Variants in SBK1 observed in about 807,000 individuals in gnomAD.
SBK1 encodes serine/threonine-protein kinase SBK1.
A neutral mutation model predicts 24.4 loss-of-function variants in SBK1; 11 were observed. That is an observed-to-expected ratio of 0.45 (90% CI 0.28 to 0.75). The LOEUF is 0.75. Ranked by LOEUF, SBK1 falls within the 30% of genes least tolerant of loss-of-function variation. The pLI is 0.12. For synonymous variants in SBK1, 308 were observed against 284.4 expected (o/e 1.08, Z -0.83); for missense variants, 467 against 620.5 (o/e 0.75, Z 2.63).
chr16:28,275,775 G>C (rs1218079579), intron 1 of SBK1, among the ~76,000 whole-genome samples: 1 of 152,116 alleles, frequency 6.6e-6, no homozygotes, highest in Non-Finnish European at 1.5e-5. Context: ...TACTCAGGAG[G>C]CTGAGGTGGG....
intron 1 of SBK1, among the ~76,000 whole-genome samples, chr16:28,297,872 T>C (rs1775012607): frequency 6.6e-6 from 1 of 152,170 alleles, no homozygotes; most frequent in African/African-American, 2.4e-5. Flanking sequence ...CAGGATAGCA[T>C]TGTGAAGTGG....
At chr16:28,308,092 T>A (rs1470175543) in intron 1 of SBK1, among the ~76,000 whole-genome samples, 1 of 152,232 alleles carries the variant, frequency 6.6e-6, no homozygotes, top group Non-Finnish European at 1.5e-5. Flanking sequence ...GTCACTGTCC[T>A]GGTTAACCTC....
intron 1 of SBK1, among the ~76,000 whole-genome samples, chr16:28,307,370 A>G (rs566371923): frequency 2.6e-5 from 4 of 152,322 alleles, no homozygotes; most frequent in African/African-American, 9.6e-5. Context: ...CCAAGATTCA[A>G]ATCCAGGCAC....
chr16:28,292,635 G>A lies in SBK1; in HGVS notation c.-673G>A. ...GCCCGGGCCAGGCCGGGGGCCGGGAGCGCAGGGCCGGGCTGCTCGTAGCGG... is the reference window on the plus strand; with the variant it reads ...GCCCGGGCCAGGCCGGGGGCCGGGAACGCAGGGCCGGGCTGCTCGTAGCGG... On this transcript the variant is annotated 5_prime_UTR_variant, in exon 1 of 4. Transcript: ENST00000341901. The A allele has an allele frequency of 2.0e-6, 2 of 983,094 alleles. No individual in the cohort carries two copies. Among genetic ancestry groups the A allele is most frequent in the Non-Finnish European group, 2.4e-6 (2 of 828,960 alleles). The allele number at this position is 983,094 out of a possible 1,614,324, so 60.9% of individuals were successfully genotyped here.
intron 1 of SBK1, among the ~76,000 whole-genome samples, chr16:28,301,741 A>G (rs373453606): frequency 7.9e-5 from 12 of 152,182 alleles, no homozygotes; most frequent in East Asian, 7.7e-4. Flanking sequence ...CGACAGATCC[A>G]AGGTCCAGGC....
intron 1 of SBK1, among the ~76,000 whole-genome samples, chr16:28,306,643 C>T (rs1196803004): frequency 6.6e-6 from 1 of 152,098 alleles, no homozygotes; most frequent in Admixed American, 6.5e-5. Context: ...GGGATCTGGG[C>T]GGCTTCCTAA....
chr16:28,307,214 C>A (rs935301730), intron 1 of SBK1, among the ~76,000 whole-genome samples: 1 of 152,180 alleles, frequency 6.6e-6, no homozygotes, highest in African/African-American at 2.4e-5. Context: ...TGTCATGTAC[C>A]AAGCGCCTCA....
In SBK1 at chr16:28,319,892, T is replaced by C. The variant is rs1269306618; in HGVS notation, c.430-184T>C. 6.6e-6 allele frequency among the ~76,000 whole-genome samples: 1 copy of C among 152,038 alleles called. No individual in the cohort carries two copies. The highest frequency in any genetic ancestry group is 1.9e-4 in the East Asian group (1 of 5,154). On this transcript the variant is annotated intron_variant, in intron 3 of 3. Coordinates refer to ENST00000341901, the MANE Select transcript of SBK1 (RefSeq NM_001024401.3). This position sits in a 1 kb window ranked among gnomAD's most constrained non-coding sequence, Gnocchi z 4.0. ...GCAGGCATGGTAGCCACTATGAGGATTGGATGAGACAGCGGGGGAAAGGGC... is the reference window on the plus strand; with the variant it reads ...GCAGGCATGGTAGCCACTATGAGGACTGGATGAGACAGCGGGGGAAAGGGC...
chr16:28,262,566 G>T (rs1215290882), intron 1 of SBK1, among the ~76,000 whole-genome samples: 1 of 152,200 alleles, frequency 6.6e-6, no homozygotes, highest in Non-Finnish European at 1.5e-5. Flanking sequence ...CCCTGGAGGG[G>T]CTCACAGCCT....
At chr16:28,281,327 C>T (rs893902191) in intron 1 of SBK1, among the ~76,000 whole-genome samples, 1 of 152,190 alleles carries the variant, frequency 6.6e-6, no homozygotes, top group South Asian at 2.1e-4. Context: ...TCCGGGCCAG[C>T]TCAGCCAAGC....
chr16:28,266,070 A>C lies in SBK1; in HGVS notation c.257+6568A>C, dbSNP rs115140967. 8.6e-3 allele frequency among the ~76,000 whole-genome samples: 1,303 copies of C among 152,242 alleles called. 19 individuals carry two copies. Among genetic ancestry groups the C allele is most frequent in the African/African-American group, 0.03 (1,229 of 41,538 alleles). The stretch of plus-strand genomic sequence containing the variant: ...CACATGTAATTTCTCTGTATCCTAA[A>C]GCCCCATTGAAAGGACAGTGAGGCT... On this transcript the variant is annotated intron_variant, in intron 1 of 3. Coordinates refer to the SBK1 transcript ENST00000671413.
chr16:28,287,625 GCTA>G (rs2044574738), upstream of SBK1, among the ~76,000 whole-genome samples: 2 of 152,002 alleles, frequency 1.3e-5, no homozygotes, highest in African/African-American at 4.8e-5. Flanking sequence ...ATTGCAGGCT[GCTA>G]CTTCTTTTTT....
intron 1 of SBK1, among the ~76,000 whole-genome samples, chr16:28,315,187 G>A (rs1445829882): frequency 1.3e-5 from 2 of 151,418 alleles, no homozygotes; most frequent in African/African-American, 4.9e-5. Context: ...TCCATTTACA[G>A]ATGAGAAATG....
At chr16:28,291,994 G>C (rs1435924211), upstream of SBK1, 2 of 152,222 alleles carry the variant, frequency 1.3e-5, no homozygotes, top group African/African-American at 4.8e-5. Context: ...TGGATGGACG[G>C]ACGGATGGAT....
chr16:28,295,390 G>A (rs1286373382), intron 1 of SBK1, among the ~76,000 whole-genome samples: 4 of 152,124 alleles, frequency 2.6e-5, no homozygotes, highest in East Asian at 1.9e-4. Context: ...GGATGGCTCC[G>A]GAGCCGTTTT....
chr16:28,276,612 A>T (rs1355862534), intron 1 of SBK1, among the ~76,000 whole-genome samples: 1 of 152,094 alleles, frequency 6.6e-6, no homozygotes, highest in Non-Finnish European at 1.5e-5. Flanking sequence ...CTGGGTAGTG[A>T]GAAAGTGCTG....
rs55860114 is a variant in SBK1, at chr16:28,321,182, AACACACACACACACACACAC to A, written c.*298_*317del. ...CCCGAGAATTCGGAGGCCACCACAC[AACACACACACACACACACAC>A]ACACACACACACACACACACACACA... On this transcript the variant is annotated 3_prime_UTR_variant, in exon 4 of 4. Coordinates refer to ENST00000341901, the MANE Select transcript of SBK1 (RefSeq NM_001024401.3). 4,613 of 189,412 alleles carry A rather than the reference AACACACACACACACACACAC, an allele frequency of 0.024. 148 individuals are homozygous for A. Among genetic ancestry groups the A allele is most frequent in the African/African-American group, 0.028 (903 of 32,494 alleles). 11.7% of individuals were successfully genotyped at this position (189,412 alleles called of 1,614,324 possible).
chr16:28,305,028 G>A (rs1307379879), intron 1 of SBK1, among the ~76,000 whole-genome samples: 1 of 151,878 alleles, frequency 6.6e-6, no homozygotes, highest in Non-Finnish European at 1.5e-5. Flanking sequence ...TCCCACCTCA[G>A]CAGCCATATG....
At chr16:28,298,753 C>CTAA (rs1473003384) in intron 1 of SBK1, among the ~76,000 whole-genome samples, 2 of 152,206 alleles carry the variant, frequency 1.3e-5, no homozygotes, top group Non-Finnish European at 2.9e-5. Context: ...AGGCAACCAC[C>CTAA]AGAGGGGCAG....
Sources: gnomAD v4.1 joint callset for allele counts (sites outside exome capture counted in the v4.1 genomes callset) on GRCh38, gnomAD v4.1.1 for gene constraint, Gnocchi (gnomAD v3.1) non-coding constraint, MANE v1.5 for transcripts, NCBI Gene and HGNC (gene_info 2026-07-23, HGNC 2026-07-21) for gene names.